C2orf42: variants seen among roughly 807,000 people sequenced by gnomAD.
C2orf42 encodes the protein uncharacterized protein C2orf42.
A neutral mutation model predicts 58.9 loss-of-function variants in C2orf42; 44 were observed. That is an observed-to-expected ratio of 0.75 (90% confidence interval 0.59 to 0.96). The LOEUF is 0.96. Ranked by LOEUF, C2orf42 falls within the 40% of genes least tolerant of loss-of-function variation. The pLI, the probability that C2orf42 is intolerant of heterozygous loss-of-function variation, is 0.00. For synonymous variants in C2orf42, 239 were observed against 265.4 expected (o/e 0.90, Z 0.97); for missense variants, 630 against 699.2 (o/e 0.90, Z 1.12).
Position 70,181,632 on chromosome 2 carries a change from G to A in C2orf42, c.354C>T (p.Pro118=), listed in dbSNP as rs62151196. 1.2e-6 allele frequency: 2 copies of A among 1,613,920 alleles called. No homozygotes were observed. Among genetic ancestry groups the A allele is most frequent in the East Asian group, 2.2e-5 (1 of 44,896 alleles). Residue 118 remains proline (P), a synonymous_variant, in exon 3 of 10, where the codon CCC becomes CCT. Transcript: ENST00000264434. ...TQLSSGRCYV[P]SCLKAATQGV... ...CTTGAGTGGCAGCTTTCAGGCATGA[G>A]GGGACATAACACCGTCCAGAGCTCA...
In C2orf42 at chr2:70,150,518, C is replaced by T; in HGVS notation, c.1563G>A (p.Glu521=). The change falls in exon 10 of 10, where the codon GAG becomes GAA. Residue 521 remains glutamate, a synonymous_variant. Transcript: ENST00000264434. ...ATTGGGGAAGGATATCTGGGATCCA[C>T]TCGATGATGAAAGGTGTTGGCTCCT... ...DQKEPTPFII[E]WIPDILPQSK... is the part of the protein sequence containing the mutation. 1 of 1,614,034 alleles carries T rather than the reference C, an allele frequency of 6.2e-7. No homozygotes were observed. Among genetic ancestry groups the T allele is most frequent in the Non-Finnish European group, 8.5e-7 (1 of 1,179,978 alleles).
rs1181389005 is a variant in C2orf42 at position 70,170,580 on chromosome 2, C to G, written c.1040-919G>C. On this transcript the variant is annotated intron_variant, in intron 5 of 9. Coordinates refer to ENST00000264434, the MANE Select transcript of C2orf42 (RefSeq NM_017880.3). The stretch of plus-strand genomic sequence containing the variant: ...ACCAGGCTGGCCAACATGGTGAAAC[C>G]CCCGTCTCTACTAAAAATACAAAAA... Among the ~76,000 whole-genome samples the G allele has an allele frequency of 2.0e-5, 3 of 151,740 alleles. No homozygotes were observed. In the East Asian group the frequency reaches 5.8e-4, roughly 29 times the overall value.
At chr2:70,159,274 C>A (rs1672904181) in intron 9 of C2orf42, among the ~76,000 whole-genome samples, 1 of 151,664 alleles carries the variant, frequency 6.6e-6, no homozygotes, top group South Asian at 2.1e-4. Flanking sequence ...TTATTGTAGA[C>A]AAAAGAAGGA....
chr2:70,181,667 T>A lies in C2orf42; in HGVS notation c.319A>T (p.Ile107Phe). ...TTIQTVDGTIITQLSSGRCYV... is the reference protein window; with the variant it reads ...TTIQTVDGTIFTQLSSGRCYV... The stretch of plus-strand genomic sequence containing the variant: ...CACCGTCCAGAGCTCAGCTGAGTGA[T>A]GATCGTCCCATCCACTGTCTGGATT... The change falls in exon 3 of 10, where the codon ATC becomes TTC. Residue 107 changes from isoleucine (I) to phenylalanine (F), a missense_variant. Coordinates refer to ENST00000264434, the MANE Select transcript of C2orf42 (RefSeq NM_017880.3). 1 of 1,614,176 alleles carries A rather than the reference T, an allele frequency of 6.2e-7. No individual in the cohort carries two copies.
At chr2:70,153,027 C>T (rs1388086369) in intron 9 of C2orf42, among the ~76,000 whole-genome samples, 4 of 145,208 alleles carry the variant, frequency 2.8e-5, no homozygotes, top group African/African-American at 7.8e-5. Flanking sequence ...AGCAAGACTC[C>T]ATCTCAAAAA....
chr2:70,157,758 C>CATCAT (rs1672776350), intron 9 of C2orf42, among the ~76,000 whole-genome samples: 1 of 152,116 alleles, frequency 6.6e-6, no homozygotes, highest in Non-Finnish European at 1.5e-5. Context: ...GATCGTGCCA[C>CATCAT]TGCACTCCCG....
intron 3 of C2orf42, among the ~76,000 whole-genome samples, chr2:70,180,827 C>T (rs1674508300): frequency 6.6e-6 from 1 of 150,430 alleles, no homozygotes; most frequent in Non-Finnish European, 1.5e-5. Flanking sequence ...CAAAGTAAGA[C>T]CCCTATCTGC....
At chr2:70,172,522 A>C (rs1358020604) in intron 5 of C2orf42, among the ~76,000 whole-genome samples, 1 of 152,108 alleles carries the variant, frequency 6.6e-6, no homozygotes, top group African/African-American at 2.4e-5. Flanking sequence ...TACTAAAAAT[A>C]CAAATAAATA....
intron 9 of C2orf42, among the ~76,000 whole-genome samples, chr2:70,160,403 A>G (rs1162683235): frequency 6.6e-6 from 1 of 152,176 alleles, no homozygotes. Context: ...TTGGCCTCCC[A>G]AAGTGCTGGG....
chr2:70,175,607 A>G lies in C2orf42; in HGVS notation c.1039+66T>C, dbSNP rs1286884601. Reference sequence around the variant, plus strand: ...TTTGGGTGACAATGTGCATGATTATACTGCTTCTGGCTTCTTTAGGATGAC... The same window carrying G: ...TTTGGGTGACAATGTGCATGATTATGCTGCTTCTGGCTTCTTTAGGATGAC... On this transcript the variant is annotated intron_variant, in intron 5 of 9. Coordinates refer to ENST00000264434, the MANE Select transcript of C2orf42 (RefSeq NM_017880.3). The G allele has an allele frequency of 4.3e-6, 4 of 932,250 alleles. No homozygotes were observed. In the East Asian group the frequency reaches 7.2e-5, roughly 17 times the overall value. The allele number at this position is 932,250 out of a possible 1,614,324, so 57.7% of individuals were successfully genotyped here. A position where few individuals can be genotyped will look rare whatever the true frequency, so the allele number is the denominator to read the frequency against.
At chr2:70,151,876 G>A (rs986972234) in intron 9 of C2orf42, among the ~76,000 whole-genome samples, 1 of 151,846 alleles carries the variant, frequency 6.6e-6, no homozygotes, top group African/African-American at 2.4e-5. Context: ...TCCACCTCCT[G>A]GGTTCAGGTG....
At chr2:70,156,551 C>T (rs972497843) in intron 9 of C2orf42, among the ~76,000 whole-genome samples, 35 of 151,406 alleles carry the variant, frequency 2.3e-4, no homozygotes, top group Non-Finnish European at 4.4e-5. Flanking sequence ...AAATGGATGG[C>T]GAACATATTA....
rs1199242730 is a variant in C2orf42 at position 70,165,124 on chromosome 2, G to A, written c.1321C>T (p.Leu441=). ...SKYTWHITNI[L]QVKQILDTPE... is the part of the protein sequence containing the mutation. The stretch of plus-strand genomic sequence containing the variant: ...GTATCTAAGATTTGTTTAACTTGCA[G>A]GATATTAGTGATATGCCAAGTATAC... Residue 441 remains leucine (L), a synonymous_variant, in exon 8 of 10, where the codon CTG becomes TTG. Coordinates refer to ENST00000264434, the MANE Select transcript of C2orf42 (RefSeq NM_017880.3). 2 of 1,605,702 alleles carry A rather than the reference G, an allele frequency of 1.2e-6. No individual in the cohort carries two copies. Among genetic ancestry groups the A allele is most frequent in the East Asian group, 2.2e-5 (1 of 44,816 alleles).
At chr2:70,152,179 C>G (rs576032646) in intron 9 of C2orf42, among the ~76,000 whole-genome samples, 1 of 152,196 alleles carries the variant, frequency 6.6e-6, no homozygotes, top group Non-Finnish European at 1.5e-5. Context: ...TCCTTTCTCA[C>G]AAAGACTAAG....
intron 8 of C2orf42, among the ~76,000 whole-genome samples, chr2:70,163,177 T>C (rs1673169827): frequency 6.6e-6 from 1 of 151,964 alleles, no homozygotes; most frequent in Non-Finnish European, 1.5e-5. Context: ...CTGAATTTTC[T>C]ACATAATTCT....
intron 9 of C2orf42, among the ~76,000 whole-genome samples, chr2:70,151,574 C>CA (rs1461943403): frequency 6.6e-6 from 1 of 151,654 alleles, no homozygotes; most frequent in Non-Finnish European, 1.5e-5. Context: ...GTGGAGGCTT[C>CA]AGTGAGCCAA....
Position 70,160,702 on chromosome 2 carries a change from C to T in C2orf42, c.1439G>A (p.Ser480Asn). The T allele has an allele frequency of 6.2e-7, 1 of 1,613,324 alleles. No homozygotes were observed. The highest frequency in any genetic ancestry group is 8.5e-7 in the Non-Finnish European group (1 of 1,179,434). ...LFKCPKVEVESIAETYGRIEK... is the reference protein window; with the variant it reads ...LFKCPKVEVENIAETYGRIEK... ...TATACGACCGTAGGTTTCTGCTATG[C>T]TTTCTACTTCCACTTTAGGGCATTT... Residue 480 changes from serine (S) to asparagine (N), a missense_variant, in exon 9 of 10, where the codon AGC becomes AAC. Physicochemically the swap from Ser to Asn is conservative, Grantham distance 46. Coordinates refer to ENST00000264434, the MANE Select transcript of C2orf42 (RefSeq NM_017880.3).
chr2:70,173,150 C>A (rs1440828904), intron 5 of C2orf42, among the ~76,000 whole-genome samples: 1 of 151,698 alleles, frequency 6.6e-6, no homozygotes, highest in Non-Finnish European at 1.5e-5. Context: ...AAGCAAGACT[C>A]TGTCTTGAAA....
At chr2:70,152,291 G>T (rs1672360563) in intron 9 of C2orf42, among the ~76,000 whole-genome samples, 1 of 152,168 alleles carries the variant, frequency 6.6e-6, no homozygotes, top group Admixed American at 6.5e-5. Context: ...TTTAGTCATA[G>T]AATATAAATG....
Sources: allele counts gnomAD v4.1 joint callset (sites outside exome capture counted in the v4.1 genomes callset), GRCh38; gene constraint gnomAD v4.1.1; transcripts MANE v1.5; gene names NCBI Gene and HGNC (gene_info 2026-07-23, HGNC 2026-07-21).